The following KCNU1 variants were observed in gnomAD, a reference collection of about 807,000 sequenced individuals.
KCNU1 encodes the protein potassium channel subfamily U member 1.
In KCNU1, 93 loss-of-function variants were observed where a neutral mutation model predicts 126.8. The ratio of observed to expected loss-of-function variants is 0.73; its 90% CI spans 0.62 to 0.87. The LOEUF (loss-of-function observed/expected upper bound fraction) is 0.87. Among genes scored for constraint, KCNU1 ranks in the 40% least tolerant of loss-of-function variants. The pLI is 0.00. For synonymous variants in KCNU1, 523 were observed against 494.2 expected, an observed-to-expected ratio of 1.06 and a Z score of -0.77; for missense variants, 1,330 against 1,367.1, an observed-to-expected ratio of 0.97 and a Z score of 0.43.
intron 19 of KCNU1, among the ~76,000 whole-genome samples, chr8:36,875,922 T>C (rs904049117): frequency 1.3e-5 from 2 of 152,202 alleles, no homozygotes; most frequent in East Asian, 3.9e-4. Context: ...GCCAGGACCA[T>C]GGGCAACGTG....
Position 36,890,404 on chromosome 8 carries a change from A to G in KCNU1, c.2010-15304A>G, listed in dbSNP as rs76145843. Among the ~76,000 whole-genome samples, 1,464 of 152,176 alleles carry G rather than the reference A, an allele frequency of 9.6e-3. 21 individuals carry two copies. Among genetic ancestry groups the G allele is most frequent in the African/African-American group, 0.033 (1,391 of 41,566 alleles). ...TTGGAAATACTCTGCAATAAGCTAC[A>G]TGCACTATACATTAGGCAGTGTAGT... On this transcript the variant is annotated intron_variant, in intron 19 of 26. Coordinates refer to ENST00000399881, the MANE Select transcript of KCNU1 (RefSeq NM_001031836.3).
At chr8:36,872,423 G>A (rs542951983) in intron 19 of KCNU1, among the ~76,000 whole-genome samples, 2 of 152,220 alleles carry the variant, frequency 1.3e-5, no homozygotes, top group African/African-American at 2.4e-5. Flanking sequence ...AAAGGGGGAC[G>A]CCGCCCCGCC....
At chr8:36,888,848 A>G (rs1046279653) in intron 19 of KCNU1, 2 of 473,988 alleles carry the variant, frequency 4.2e-6, no homozygotes, top group Admixed American at 5.1e-5. Flanking sequence ...CAAATCAAGC[A>G]CATCTTTGCT....
intron 18 of KCNU1, among the ~76,000 whole-genome samples, chr8:36,855,404 C>G (rs1198183748): frequency 6.6e-6 from 1 of 151,990 alleles, no homozygotes; most frequent in East Asian, 1.9e-4. Context: ...AAAAGCCATT[C>G]AAGTAGGGTT....
chr8:36,915,283 A>G (rs1381377133), intron 22 of KCNU1, among the ~76,000 whole-genome samples: 1 of 152,208 alleles, frequency 6.6e-6, no homozygotes, highest in Admixed American at 6.5e-5. Context: ...TAGGGCTACA[A>G]CTTAAGTAGG....
chr8:36,935,915 C>G lies in KCNU1; in HGVS notation c.3445C>G (p.Leu1149Val). 6.4e-7 allele frequency: 1 copy of G among 1,571,550 alleles called. No homozygotes were observed. Among genetic ancestry groups the G allele is most frequent in the Non-Finnish European group, 8.6e-7 (1 of 1,160,328 alleles). Residue 1149 changes from leucine (L) to valine (V), a missense_variant, in exon 27 of 27, where the codon CTA becomes GTA. By Grantham distance (32) the Leu-to-Val change is conservative. Transcript: ENST00000399881. The part of the protein sequence containing the change: ...DEDPFAYSEP[L>V] The stretch of plus-strand genomic sequence containing the variant: ...GGATCCCTTTGCATATTCAGAGCCA[C>G]TATAGACCTGCCCATATTCTTCACG...
chr8:36,915,218 G>A (rs1422476734), intron 22 of KCNU1, among the ~76,000 whole-genome samples: 4 of 152,194 alleles, frequency 2.6e-5, no homozygotes, highest in Non-Finnish European at 5.9e-5. Flanking sequence ...CCCCTTTGAA[G>A]AAAACTGATT....
chr8:36,795,132 T>C (rs1012496949), intron 2 of KCNU1: 6 of 152,200 alleles, frequency 3.9e-5, no homozygotes, highest in African/African-American at 1.4e-4. Flanking sequence ...AACACATTGC[T>C]CAATGGTTCT....
In KCNU1 at chr8:36,839,574, G is replaced by A. The variant is rs550043675; in HGVS notation, c.1519-889G>A. Among the ~76,000 whole-genome samples the A allele has an allele frequency of 9.9e-5, 15 of 152,216 alleles. No homozygotes were observed. The South Asian group carries it at 2.9e-3, about 29-fold the overall frequency. On this transcript the variant is annotated intron_variant, in intron 14 of 26. Coordinates refer to ENST00000399881, the MANE Select transcript of KCNU1 (RefSeq NM_001031836.3). ...TGCCTGAAATAGTCTGTCCTTTTTC[G>A]TAGGGCAGAATTGTTTGTCTATGTG...
At position 36,806,264 on chromosome 8, in the gene KCNU1, C is replaced by A. The variant is rs373984412; in HGVS notation, c.469-5C>A. The A allele has an allele frequency of 1.1e-5, 18 of 1,588,004 alleles. No homozygotes were observed. The highest frequency in any genetic ancestry group is 1.5e-5 in the Non-Finnish European group (18 of 1,161,466). On this transcript the variant is annotated splice_polypyrimidine_tract_variant and splice_region_variant and intron_variant, in intron 4 of 26. Coordinates refer to ENST00000399881, the MANE Select transcript of KCNU1 (RefSeq NM_001031836.3). ...AATTTGTGTTATTCTGTTTCTATTT[C>A]ATAGTTTATGGCAGCTGATGACAAG...
chr8:36,893,352 A>G (rs1807052765), intron 19 of KCNU1, among the ~76,000 whole-genome samples: 1 of 151,032 alleles, frequency 6.6e-6, no homozygotes, highest in African/African-American at 2.4e-5. Flanking sequence ...GACATTGTTA[A>G]CTATAACTCA....
intron 19 of KCNU1, among the ~76,000 whole-genome samples, chr8:36,898,420 C>G (rs1326914404): frequency 1.3e-5 from 2 of 151,990 alleles, no homozygotes; most frequent in African/African-American, 2.4e-5. Context: ...GCCTCCCAAC[C>G]CACTGCATAA....
chr8:36,803,703 A>C lies in KCNU1; in HGVS notation c.316-324A>C, dbSNP rs901315794. Among the ~76,000 whole-genome samples the C allele has an allele frequency of 4.6e-5, 7 of 152,250 alleles. 1 individual carries two copies. The highest frequency in any genetic ancestry group is 1.7e-4 in the African/African-American group (7 of 41,462). On this transcript the variant is annotated intron_variant, in intron 2 of 26. Transcript: ENST00000399881. ...GTTTGATGAGTGAATAAGTGATCAC[A>C]GGAAAGGACATCTTGAGATCAAAGA... is the stretch of plus-strand genomic sequence containing the variant.
At chr8:36,798,555 G>A (rs1803189613) in intron 2 of KCNU1, among the ~76,000 whole-genome samples, 1 of 152,034 alleles carries the variant, frequency 6.6e-6, no homozygotes. Flanking sequence ...ATCTGAATAG[G>A]AGACATTTGT....
intron 5 of KCNU1, among the ~76,000 whole-genome samples, chr8:36,806,745 C>G (rs1803517766): frequency 6.6e-6 from 1 of 152,146 alleles, no homozygotes; most frequent in Admixed American, 6.5e-5. Context: ...TCCATATGTG[C>G]TATGGCATTT....
chr8:36,797,735 C>T (rs575824512), intron 2 of KCNU1, among the ~76,000 whole-genome samples: 1 of 151,588 alleles, frequency 6.6e-6, no homozygotes, highest in Non-Finnish European at 1.5e-5. Context: ...TTTTTTCTTG[C>T]TCTTACAAGT....
chr8:36,833,778 A>C (rs1042958396), intron 11 of KCNU1, 119 bp downstream of exon 11: 13 of 569,340 alleles, frequency 2.3e-5, no homozygotes, highest in Non-Finnish European at 4.1e-5. Flanking sequence ...TGGAAAATAT[A>C]ACTTCCTCAA....
intron 19 of KCNU1, among the ~76,000 whole-genome samples, chr8:36,878,376 T>A (rs934019933): frequency 5.9e-5 from 9 of 152,132 alleles, no homozygotes; most frequent in African/African-American, 1.9e-4. Flanking sequence ...CTACCACGGG[T>A]CCATGTGAGC....
intron 7 of KCNU1, among the ~76,000 whole-genome samples, chr8:36,810,806 G>A (rs1056940777): frequency 6.6e-6 from 1 of 152,042 alleles, no homozygotes; most frequent in Non-Finnish European, 1.5e-5. Flanking sequence ...ACAGTTATGA[G>A]AGCAACAATT....
Sources: gnomAD v4.1 joint callset for allele counts (sites outside exome capture counted in the v4.1 genomes callset) on GRCh38, gnomAD v4.1.1 for gene constraint, MANE v1.5 for transcripts, NCBI Gene and HGNC (gene_info 2026-07-23, HGNC 2026-07-21) for gene names.